The following GATA2 variants were observed in gnomAD, a reference collection of about 807,000 sequenced individuals.
GATA2 encodes endothelial transcription factor GATA-2.
A neutral mutation model predicts 35.7 loss-of-function variants in GATA2; 6 were observed. The observed-to-expected ratio is 0.17, with a 90% CI of 0.09 to 0.33. The LOEUF (loss-of-function observed/expected upper bound fraction) is 0.33, where lower values mean the gene tolerates loss of function less well. Ranked by LOEUF, GATA2 falls within the 10% of genes least tolerant of loss-of-function variation. GATA2 has a pLI of 1.00. For synonymous variants in GATA2, 313 were observed against 274.9 expected, an observed-to-expected ratio of 1.14 and a Z score of -1.37; for missense variants, 541 against 656.6, an observed-to-expected ratio of 0.82 and a Z score of 1.92.
Position 128,480,352 on chromosome 3 carries a change from ATGT to A in GATA2, c.*664_*666del, listed in dbSNP as rs1383785802. 1 of 233,408 alleles carries A rather than the reference ATGT, an allele frequency of 4.3e-6. No homozygotes were observed. The highest frequency in any genetic ancestry group is 8.5e-6 in the Non-Finnish European group (1 of 118,162). The allele number at this position is 233,408 out of a possible 1,614,324, so 14.5% of individuals were successfully genotyped here. A position where few individuals can be genotyped will look rare whatever the true frequency, so the allele number is the denominator to read the frequency against. On this transcript the variant is annotated 3_prime_UTR_variant, in exon 6 of 6. Coordinates refer to ENST00000341105, the MANE Select transcript of GATA2 (RefSeq NM_032638.5). ...GGGAGACGTTTCCCCTTTCAAGAAAATGTTGTTTCCTTCCTGTGACCCAGCCCT... is the reference window on the plus strand; with the variant it reads ...GGGAGACGTTTCCCCTTTCAAGAAAATGTTTCCTTCCTGTGACCCAGCCCT...
chr3:128,480,861 C>G lies in GATA2; in HGVS notation c.*158G>C, dbSNP rs1234062240. ...GCCTCTCAGCGGTGGGGAACATTCA[C>G]AGTAACTGCTGGCAGGCTGCTGGGC... is the stretch of plus-strand genomic sequence containing the variant. On this transcript the variant is annotated 3_prime_UTR_variant, in exon 6 of 6. Coordinates refer to ENST00000341105, the MANE Select transcript of GATA2 (RefSeq NM_032638.5). 10 of 799,146 alleles carry G rather than the reference C, an allele frequency of 1.3e-5. No individual in the cohort carries two copies. The East Asian group carries it at 2.7e-4, about 22-fold the overall frequency. The allele number at this position is 799,146 out of a possible 1,614,324, so 49.5% of individuals were successfully genotyped here. A position where few individuals can be genotyped will look rare whatever the true frequency, so the allele number is the denominator to read the frequency against.
At chr3:128,487,616 C>T (rs2068721623) in intron 1 of GATA2, 1 of 153,432 alleles carries the variant, frequency 6.5e-6, no homozygotes, top group African/African-American at 2.4e-5. Flanking sequence ...AAAGCAGTCG[C>T]CCGCAGCCTG....
At chr3:128,485,407 G>A (rs1399263939) in intron 3 of GATA2, among the ~76,000 whole-genome samples, 1 of 152,122 alleles carries the variant, frequency 6.6e-6, no homozygotes, top group Non-Finnish European at 1.5e-5. Context: ...AAGTCCTGAG[G>A]TGGCTTGAAT....
In GATA2 at chr3:128,480,916, G is replaced by T. The variant is rs1262808129; in HGVS notation, c.*103C>A. 7.5e-7 allele frequency: 1 copy of T among 1,329,208 alleles called. No homozygotes were observed. The highest frequency in any genetic ancestry group is 2.8e-5 in the Admixed American group (1 of 35,126). 82.3% of individuals were successfully genotyped at this position (1,329,208 alleles called of 1,614,324 possible). The stretch of plus-strand genomic sequence containing the variant: ...TCCAGGAGAGGGGGTGCTGGGCCGA[G>T]CCGGGCTGGCAGGAGTGGTGTCGGC... On this transcript the variant is annotated 3_prime_UTR_variant, in exon 6 of 6. Transcript: ENST00000341105.
rs1336889553 is a variant in GATA2 at position 128,488,338 on chromosome 3, G to A, written c.-45-1262C>T. 1 of 152,308 alleles carries A rather than the reference G, an allele frequency of 6.6e-6. No individual in the cohort carries two copies. The highest frequency in any genetic ancestry group is 1.5e-5 in the Non-Finnish European group (1 of 68,154). The allele number at this position is 152,308 out of a possible 1,614,324, so 9.4% of individuals were successfully genotyped here. A position where few individuals can be genotyped will look rare whatever the true frequency, so the allele number is the denominator to read the frequency against. ...TCACCGCTGAACGTGGTCAGTCCGA[G>A]CGCAGTTACCTACCCAGACCGTTCC... On this transcript the variant is annotated intron_variant, in intron 1 of 5. Transcript: ENST00000341105. This position sits in a 1 kb window ranked among gnomAD's most constrained non-coding sequence, Gnocchi z 5.8.
intron 3 of GATA2, among the ~76,000 whole-genome samples, chr3:128,485,091 G>A (rs1422999782): frequency 2.0e-5 from 3 of 152,180 alleles, no homozygotes; most frequent in Non-Finnish European, 4.4e-5. Context: ...AAAGGGGCGG[G>A]GGCACTGCAG....
Position 128,486,419 on chromosome 3 carries a change from C to T in GATA2, c.230-51G>A, listed in dbSNP as rs984932814. 16 of 1,571,620 alleles carry T rather than the reference C, an allele frequency of 1.0e-5. No homozygotes were observed. The African/African-American group carries it at 1.6e-4, about 16-fold the overall frequency. On this transcript the variant is annotated intron_variant, in intron 2 of 5. Coordinates refer to ENST00000341105, the MANE Select transcript of GATA2 (RefSeq NM_032638.5). The stretch of plus-strand genomic sequence containing the variant: ...GGGTGGGCAGAAAGATCAGGGTAGG[C>T]AGAGCTAGGGACGCCCCTGACAGAC...
At position 128,481,800 on chromosome 3, in the gene GATA2, C is replaced by G. The variant is rs200465884; in HGVS notation, c.1143+19G>C. ...GGTCCCCTGGGAGGGGCGGGGTGGC[C>G]GGGGCGGGGCGCACTCACATTGTGC... On this transcript the variant is annotated intron_variant, in intron 5 of 5. Transcript: ENST00000341105. 2.3e-4 allele frequency: 368 copies of G among 1,605,498 alleles called. No homozygotes were observed. Among genetic ancestry groups the G allele is most frequent in the Non-Finnish European group, 3.0e-4 (350 of 1,174,532 alleles).
At chr3:128,489,692 C>T (rs907606090) in intron 1 of GATA2, 28 of 152,184 alleles carry the variant, frequency 1.8e-4, no homozygotes, top group African/African-American at 6.8e-4. Flanking sequence ...CCGTGCCTCC[C>T]GGTTGGCGTT....
chr3:128,491,825 C>T (rs1198311724), intron 1 of GATA2, among the ~76,000 whole-genome samples: 2 of 152,144 alleles, frequency 1.3e-5, no homozygotes, highest in Non-Finnish European at 2.9e-5. Flanking sequence ...CTGCTGAGAC[C>T]CGGAGACAAT....
At position 128,486,984 on chromosome 3, in the gene GATA2, C is replaced by T. The variant is rs757404617; in HGVS notation, c.48G>A (p.Val16=). 6.2e-7 allele frequency: 1 copy of T among 1,608,510 alleles called. No homozygotes were observed. Among genetic ancestry groups the T allele is most frequent in the Non-Finnish European group, 8.5e-7 (1 of 1,177,514 alleles). ...GTGAGTCGGGGTGCTGCGCATTCAG[C>T]ACGGCCGGGTGCGCCATCCAGCGCG... is the stretch of plus-strand genomic sequence containing the variant. The part of the protein sequence containing the change: ...EQPRWMAHPA[V]LNAQHPDSHH... Residue 16 remains valine (V), a synonymous_variant, in exon 2 of 6, where the codon GTG becomes GTA. Transcript: ENST00000341105.
At chr3:128,492,389 G>A (rs1012245070) in intron 1 of GATA2, among the ~76,000 whole-genome samples, 2 of 152,164 alleles carry the variant, frequency 1.3e-5, no homozygotes, top group South Asian at 2.1e-4. Flanking sequence ...TTCCAGACCC[G>A]GCGCTCTCCC....
At position 128,479,679 on chromosome 3, in the gene GATA2, T is replaced by G. The variant is rs1041362073; in HGVS notation, c.*1340A>C. 4.3e-6 allele frequency: 1 copy of G among 233,568 alleles called. No individual in the cohort carries two copies. 14.5% of individuals were successfully genotyped at this position (233,568 alleles called of 1,614,324 possible). A position where few individuals can be genotyped will look rare whatever the true frequency, so the allele number is the denominator to read the frequency against. ...CCCTGCAGCGACTGCCCGCCCATAT[T>G]GCACTTGGTCACTACATCAGCACAA... On this transcript the variant is annotated 3_prime_UTR_variant, in exon 6 of 6. Coordinates refer to ENST00000341105, the MANE Select transcript of GATA2 (RefSeq NM_032638.5).
At position 128,481,216 on chromosome 3, in the gene GATA2, C is replaced by T. The variant is rs2107667967; in HGVS notation, c.1246G>A (p.Glu416Lys). The T allele has an allele frequency of 3.7e-6, 6 of 1,614,238 alleles. No homozygotes were observed. The highest frequency in any genetic ancestry group is 4.2e-6 in the Non-Finnish European group (5 of 1,180,038). ...TTCTCCTGCATGCACTTTGACAGCT[C>T]CTCGAAGCACTCCGCCCCTTTCTTG... ...KSKKGAECFEELSKCMQEKSS... is the reference protein window; with the variant it reads ...KSKKGAECFEKLSKCMQEKSS... Residue 416 changes from glutamate (E) to lysine (K), a missense_variant, in exon 6 of 6, where the codon GAG (glutamate) becomes AAG (lysine). Around this residue, in one of 5 missense-constraint regions of GATA2, gnomAD observed 95 missense variants for 114.0 expected, o/e 0.83. Coordinates refer to ENST00000341105, the MANE Select transcript of GATA2 (RefSeq NM_032638.5).
rs1160937105 is a variant in GATA2, at chr3:128,480,698, A to C, written c.*321T>G. 2.7e-6 allele frequency: 1 copy of C among 370,136 alleles called. No individual in the cohort carries two copies. Among genetic ancestry groups the C allele is most frequent in the Non-Finnish European group, 4.9e-6 (1 of 205,962 alleles). 22.9% of individuals were successfully genotyped at this position (370,136 alleles called of 1,614,324 possible). Reference sequence around the variant, plus strand: ...AGAGCAAAATAAATTATTTTTGCCTAATCCTTTTTCCTTCTAAAAATGGTT... The same window carrying C: ...AGAGCAAAATAAATTATTTTTGCCTCATCCTTTTTCCTTCTAAAAATGGTT... On this transcript the variant is annotated 3_prime_UTR_variant, in exon 6 of 6. Coordinates refer to ENST00000341105, the MANE Select transcript of GATA2 (RefSeq NM_032638.5).
At chr3:128,492,378 C>T (rs1405076616) in intron 1 of GATA2, among the ~76,000 whole-genome samples, 2 of 152,206 alleles carry the variant, frequency 1.3e-5, no homozygotes, top group Non-Finnish European at 2.9e-5. Flanking sequence ...CGGGGGGAGA[C>T]TTCCAGACCC....
rs2068707355 is a variant in GATA2, at chr3:128,486,836, C to A, written c.196G>T (p.Ala66Ser). 6.2e-7 allele frequency: 1 copy of A among 1,610,968 alleles called. No homozygotes were observed. The change falls in exon 2 of 6, where the codon GCG becomes TCG. Residue 66 changes from alanine to serine, a missense_variant. Ala to Ser is a moderately conservative substitution (Grantham distance 99). This residue lies in a region of GATA2 where 389 missense variants were observed against 396.9 expected (regional missense o/e 0.98). Transcript: ENST00000341105. ...GGGCTGTAGGAGACGCGCGCCCGCG[C>A]GTGAGCGGGGTTGGCATAGTAGGGG... ...GNPYYANPAHARARVSYSPAH... is the reference protein window; with the variant it reads ...GNPYYANPAHSRARVSYSPAH...
Position 128,481,124 on chromosome 3 carries a change from G to A in GATA2, c.1338C>T (p.Phe446=), listed in dbSNP as rs2107667798. The A allele has an allele frequency of 6.2e-7, 1 of 1,614,244 alleles. No individual in the cohort carries two copies. Among genetic ancestry groups the A allele is most frequent in the Non-Finnish European group, 8.5e-7 (1 of 1,180,044 alleles). The part of the protein sequence containing the change: ...HMAPVGHLPP[F]SHSGHILPTP... ...TGGGCAGGATGTGTCCGGAGTGGCT[G>A]AAGGGCGGGAGGTGGCCCACAGGTG... The change falls in exon 6 of 6, where the codon TTC becomes TTT. Residue 446 remains phenylalanine, a synonymous_variant. Coordinates refer to ENST00000341105, the MANE Select transcript of GATA2 (RefSeq NM_032638.5).
intron 4 of GATA2, among the ~76,000 whole-genome samples, chr3:128,482,591 G>A (rs1340652738): frequency 6.6e-6 from 1 of 152,226 alleles, no homozygotes; most frequent in Admixed American, 6.5e-5. Context: ...ACAGTGGGCA[G>A]TGCAGACACA....
Sources: allele counts gnomAD v4.1 joint callset (sites outside exome capture counted in the v4.1 genomes callset), GRCh38; gene constraint gnomAD v4.1.1; regional missense constraint gnomAD v4.1.1; non-coding constraint Gnocchi (gnomAD v3.1); transcripts MANE v1.5; gene names NCBI Gene and HGNC (gene_info 2026-07-23, HGNC 2026-07-21).